The following SFXN5 variants were observed in gnomAD, a reference collection of about 807,000 sequenced individuals.
The protein encoded by SFXN5 is sideroflexin-5.
Under a neutral mutation model 50.2 loss-of-function variants are expected in SFXN5, and 43 were observed. That is an observed-to-expected ratio of 0.86 (90% CI 0.67 to 1.11). The LOEUF (loss-of-function observed/expected upper bound fraction) is 1.11. SFXN5 is among the 50% of genes least tolerant of loss of function. SFXN5 has a pLI of 0.00. For missense variants in SFXN5, 463 were observed against 454.1 expected, an observed-to-expected ratio of 1.02 and a Z score of -0.18; for synonymous variants, 203 against 185.8, an observed-to-expected ratio of 1.09 and a Z score of -0.75.
At chr2:72,972,690 G>A (rs989859728) in intron 10 of SFXN5, among the ~76,000 whole-genome samples, 2 of 152,238 alleles carry the variant, frequency 1.3e-5, no homozygotes, top group Admixed American at 1.3e-4. Context: ...TGGGAGGGGT[G>A]GGCAGGTGGG....
At position 72,943,744 on chromosome 2, in the gene SFXN5, C is replaced by T. The variant is rs1465204091; in HGVS notation, c.*1278G>A. The T allele has an allele frequency of 6.5e-6, 1 of 152,764 alleles. No individual in the cohort carries two copies. The highest frequency in any genetic ancestry group is 2.4e-5 in the African/African-American group (1 of 41,462). 9.5% of individuals were successfully genotyped at this position (152,764 alleles called of 1,614,324 possible). A position where few individuals can be genotyped will look rare whatever the true frequency, so the allele number is the denominator to read the frequency against. On this transcript the variant is annotated 3_prime_UTR_variant, in exon 14 of 14. Transcript: ENST00000272433. ...CAAGGCCTTCTGCTGAGGCCAACTG[C>T]AGGTCCAAAGGGGCCTGCCCCCTTC... is the stretch of plus-strand genomic sequence containing the variant.
chr2:72,954,641 ACC>A (rs1239840196), intron 13 of SFXN5, among the ~76,000 whole-genome samples: 1 of 151,792 alleles, frequency 6.6e-6, no homozygotes, highest in African/African-American at 2.4e-5. Context: ...TCTCATCCCC[ACC>A]CCAGCCCCCA....
chr2:73,001,608 A>G, intron 6 of SFXN5, 30 bp from the exon 7 acceptor site: 1 of 1,611,482 alleles, frequency 6.2e-7, no homozygotes, highest in Non-Finnish European at 8.5e-7. Flanking sequence ...AATGCTGAAA[A>G]AGGCAGAAGA....
intron 10 of SFXN5, among the ~76,000 whole-genome samples, chr2:72,980,589 G>A (rs1376783609): frequency 3.3e-5 from 5 of 152,142 alleles, no homozygotes; most frequent in African/African-American, 7.2e-5. Flanking sequence ...ACTCAGGATC[G>A]GGAATTTCTG....
rs114852340 is a variant in SFXN5 at position 73,051,013 on chromosome 2, G to A, written c.171+7515C>T. On this transcript the variant is annotated intron_variant, in intron 2 of 13. Transcript: ENST00000272433. ...ATTGCTCTCAAGCCCTGCCTTCCAC[G>A]AAGTCCTAGGACACAGGCATAATTT... Among the ~76,000 whole-genome samples, 151 of 152,236 alleles carry A rather than the reference G, an allele frequency of 9.9e-4. 1 individual carries two copies. Among genetic ancestry groups the A allele is most frequent in the African/African-American group, 3.4e-3 (143 of 41,548 alleles).
intron 2 of SFXN5, among the ~76,000 whole-genome samples, chr2:73,054,282 A>G (rs1681795622): frequency 6.6e-6 from 1 of 152,238 alleles, no homozygotes; most frequent in Non-Finnish European, 1.5e-5. Context: ...AGAAAGGAAC[A>G]TTGAAATTTG....
At chr2:73,023,266 T>TA in intron 3 of SFXN5, 52 bp from the exon 4 acceptor site, 1 of 1,539,258 alleles carries the variant, frequency 6.5e-7, no homozygotes, top group South Asian at 1.2e-5. Context: ...TAAAAGCATA[T>TA]ATCGGTTTAA....
intron 12 of SFXN5, 117 bp downstream of exon 12, chr2:72,968,331 A>G: frequency 2.3e-6 from 2 of 861,936 alleles, no homozygotes; most frequent in Admixed American, 2.2e-5. Flanking sequence ...CACCCTCTAC[A>G]CAAACTGGGG....
At chr2:73,032,495 T>G (rs1275223112) in intron 3 of SFXN5, among the ~76,000 whole-genome samples, 1 of 152,196 alleles carries the variant, frequency 6.6e-6, no homozygotes, top group Non-Finnish European at 1.5e-5. Flanking sequence ...AGTTGGCTAA[T>G]TTCAAAAACA....
intron 2 of SFXN5, among the ~76,000 whole-genome samples, chr2:73,056,767 A>C (rs1258909150): frequency 6.6e-6 from 1 of 152,238 alleles, no homozygotes; most frequent in Non-Finnish European, 1.5e-5. Context: ...AGATTTTTAA[A>C]TTTGACAATA....
chr2:72,993,287 G>A (rs1438217277), intron 9 of SFXN5, among the ~76,000 whole-genome samples: 18 of 152,150 alleles, frequency 1.2e-4, no homozygotes. Flanking sequence ...AGCACACATT[G>A]GTAGTCAAGT....
chr2:73,005,563 A>T (rs1288815930), intron 6 of SFXN5, among the ~76,000 whole-genome samples: 1 of 152,200 alleles, frequency 6.6e-6, no homozygotes, highest in Non-Finnish European at 1.5e-5. Flanking sequence ...AGCCTGCAGC[A>T]AGCGCTCCCT....
chr2:73,043,232 G>A (rs1679879591), intron 2 of SFXN5, among the ~76,000 whole-genome samples: 1 of 152,244 alleles, frequency 6.6e-6, no homozygotes, highest in Non-Finnish European at 1.5e-5. Context: ...CCCTTTTGAT[G>A]GAGAGATGAG....
chr2:73,033,829 G>A (rs889036971), intron 3 of SFXN5, among the ~76,000 whole-genome samples: 7 of 152,124 alleles, frequency 4.6e-5, no homozygotes, highest in Non-Finnish European at 7.3e-5. Flanking sequence ...TGCACCCAGG[G>A]GACATTTGGC....
At chr2:72,971,230 G>A (rs1404733919) in intron 11 of SFXN5, among the ~76,000 whole-genome samples, 1 of 152,132 alleles carries the variant, frequency 6.6e-6, no homozygotes, top group African/African-American at 2.4e-5. Context: ...CGGGAGGTAG[G>A]GCCCGGGCAG....
At position 73,058,858 on chromosome 2, in the gene SFXN5, T is replaced by C. The variant is rs1019211666; in HGVS notation, c.103-262A>G. 1.3e-5 allele frequency: 6 copies of C among 478,672 alleles called. No homozygotes were observed. In the Admixed American group the frequency reaches 1.4e-4, roughly 11 times the overall value. The allele number at this position is 478,672 out of a possible 1,614,324, so 29.7% of individuals were successfully genotyped here. A position where few individuals can be genotyped will look rare whatever the true frequency, so the allele number is the denominator to read the frequency against. ...TCCAGGTGACTTCCATTTTCCCCTC[T>C]CTCTCCCAGTGCCCTGAGATCTATT... On this transcript the variant is annotated intron_variant, in intron 1 of 13. Transcript: ENST00000272433.
Position 72,961,012 on chromosome 2 carries a change from C to T in SFXN5, c.945+119G>A, listed in dbSNP as rs1023688125. The T allele has an allele frequency of 3.7e-5, 24 of 646,444 alleles. No homozygotes were observed. Among genetic ancestry groups the T allele is most frequent in the Middle Eastern group, 2.6e-4 (1 of 3,796 alleles). The allele number at this position is 646,444 out of a possible 1,614,324, so 40.0% of individuals were successfully genotyped here. On this transcript the variant is annotated intron_variant, in intron 13 of 13. Coordinates refer to ENST00000272433, the MANE Select transcript of SFXN5 (RefSeq NM_144579.3). This position sits in a 1 kb window ranked among gnomAD's most constrained non-coding sequence, Gnocchi z 4.4. ...CCAGAGCCTGGGCCAGCCTCATTCA[C>T]GGTTCCAGCCCCAGCGCCTAGCATG...
rs114057788 is a variant in SFXN5 at position 72,966,196 on chromosome 2, G to C, written c.827+2252C>G. On this transcript the variant is annotated intron_variant, in intron 12 of 13. Coordinates refer to ENST00000272433, the MANE Select transcript of SFXN5 (RefSeq NM_144579.3). ...TTGCCTTGAGTGGTAGGCGTCCATT[G>C]TCCCCGAGGCCTATCTGTGAGTAAT... 3.5e-3 allele frequency among the ~76,000 whole-genome samples: 526 copies of C among 152,308 alleles called. 4 individuals are homozygous for C. The highest frequency in any genetic ancestry group is 9.9e-3 in the African/African-American group (411 of 41,566).
intron 10 of SFXN5, among the ~76,000 whole-genome samples, chr2:72,981,604 C>T (rs945809113): frequency 3.9e-5 from 6 of 152,178 alleles, no homozygotes; most frequent in Non-Finnish European, 7.3e-5. Flanking sequence ...GGGAATGAAA[C>T]TGAAGACAGA....
Sources: allele counts gnomAD v4.1 joint callset (sites outside exome capture counted in the v4.1 genomes callset), GRCh38; gene constraint gnomAD v4.1.1; non-coding constraint Gnocchi (gnomAD v3.1); transcripts MANE v1.5; gene names NCBI Gene and HGNC (gene_info 2026-07-23, HGNC 2026-07-21).